Variants in NHS observed in about 807,000 individuals in gnomAD.
The protein encoded by NHS is actin remodeling regulator NHS.
A neutral mutation model predicts 72.5 loss-of-function variants in NHS; 5 were observed. The observed-to-expected ratio is 0.07, with a 90% CI of 0.04 to 0.14. The LOEUF is 0.14. NHS is among the 10% of genes least tolerant of loss of function. NHS has a pLI of 1.00. For synonymous variants in NHS, 464 were observed against 547.7 expected, an observed-to-expected ratio of 0.85 and a Z score of 2.13; for missense variants, 1,072 against 1,355.7, an observed-to-expected ratio of 0.79 and a Z score of 3.29.
At chrX:17,548,959 T>A (rs1249564661) in intron 1 of NHS, among the ~76,000 whole-genome samples, 1 of 109,251 alleles carries the variant, frequency 9.2e-6, no homozygotes, top group Admixed American at 9.8e-5. Flanking sequence ...TTGTCCCTTT[T>A]TTTTAAGAAC....
chrX:17,705,710 C>T (rs940731394), intron 3 of NHS: 5 of 112,171 alleles, frequency 4.5e-5, no homozygotes, highest in African/African-American at 1.6e-4. Context: ...AACCAAGTGA[C>T]CAAAGTTAAT....
intron 1 of NHS, among the ~76,000 whole-genome samples, chrX:17,620,615 C>T (rs770154491): frequency 1.8e-3 from 194 of 108,774 alleles, no homozygotes; most frequent in African/African-American, 5.6e-3. Flanking sequence ...AAAAAGGGAA[C>T]GGATTGATGT....
At chrX:17,537,804 G>C (rs2065235508) in intron 1 of NHS, among the ~76,000 whole-genome samples, 1 of 112,058 alleles carries the variant, frequency 8.9e-6, no homozygotes, top group Non-Finnish European at 1.9e-5. Flanking sequence ...AGATTTGAGG[G>C]CTTTTGTTTG....
chrX:17,704,551 G>A (rs1230006879), intron 3 of NHS, among the ~76,000 whole-genome samples: 1 of 111,205 alleles, frequency 9.0e-6, no homozygotes, highest in African/African-American at 3.3e-5. Flanking sequence ...ACCCGCCTCA[G>A]CCTCCCAAAA....
intron 1 of NHS, among the ~76,000 whole-genome samples, chrX:17,559,360 G>A (rs1877008928): frequency 8.9e-6 from 1 of 112,019 alleles, no homozygotes; most frequent in African/African-American, 3.2e-5. Context: ...TGTAGTACTT[G>A]ACTTCAGAGA....
rs768496518 is a variant in NHS, at chrX:17,417,879, A to G, written c.565+41557A>G. ...AAAAGACCACGGATTTTGTGTGTCA[A>G]TGTTGTACCTTTGGTTAATTTTGCT... On this transcript the variant is annotated intron_variant, in intron 1 of 8. Coordinates refer to ENST00000676302, the MANE Select transcript of NHS (RefSeq NM_001291867.2). Among the ~76,000 whole-genome samples, 9 of 112,109 alleles carry G rather than the reference A, an allele frequency of 8.0e-5. No individual in the cohort carries two copies. The South Asian group carries it at 2.6e-3, about 33-fold the overall frequency.
chrX:17,730,272 G>C (rs1264287776), intron 8 of NHS, among the ~76,000 whole-genome samples: 1 of 112,547 alleles, frequency 8.9e-6, no homozygotes, highest in Non-Finnish European at 1.9e-5. Flanking sequence ...ACCTGGATTT[G>C]AATCCCAACT....
chrX:17,646,189 G>A (rs976748672), intron 1 of NHS, among the ~76,000 whole-genome samples: 4 of 111,646 alleles, frequency 3.6e-5, no homozygotes, highest in East Asian at 2.8e-4. Context: ...TAATTCTCCT[G>A]CCTCAGCCTC....
At chrX:17,433,321 C>G (rs936461207) in intron 1 of NHS, among the ~76,000 whole-genome samples, 31 of 108,131 alleles carry the variant, frequency 2.9e-4, no homozygotes, top group African/African-American at 1.0e-3. Context: ...AGTGCTCCCC[C>G]TTTTAAATAA....
chrX:17,449,391 A>T (rs144368483), intron 1 of NHS, among the ~76,000 whole-genome samples: 274 of 112,574 alleles, frequency 2.4e-3, no homozygotes, highest in South Asian at 4.0e-3. Flanking sequence ...CTGATAGGAA[A>T]GAGAAAGGTG....
intron 1 of NHS, among the ~76,000 whole-genome samples, chrX:17,538,618 G>C (rs1028648587): frequency 1.8e-5 from 2 of 111,619 alleles, no homozygotes; most frequent in African/African-American, 6.5e-5. Flanking sequence ...AAAGCCCTCA[G>C]GGAGAGGGTC....
intron 1 of NHS, among the ~76,000 whole-genome samples, chrX:17,577,012 T>A (rs2065516311): frequency 8.9e-6 from 1 of 111,784 alleles, no homozygotes; most frequent in Non-Finnish European, 1.9e-5. Context: ...TGCCCGAGAT[T>A]GTGATTTTAG....
At chrX:17,627,401 A>T (rs1386656545) in intron 1 of NHS, among the ~76,000 whole-genome samples, 3 of 112,537 alleles carry the variant, frequency 2.7e-5, no homozygotes, top group African/African-American at 9.7e-5. Flanking sequence ...CACAGTGCAG[A>T]GTGTCAGAGG....
intron 1 of NHS, among the ~76,000 whole-genome samples, chrX:17,484,425 G>A (rs2064959175): frequency 8.9e-6 from 1 of 111,839 alleles, no homozygotes; most frequent in South Asian, 3.8e-4. Flanking sequence ...CAATTCCATT[G>A]AAAAGACAGT....
At chrX:17,450,135 A>G (rs1396022125) in intron 1 of NHS, among the ~76,000 whole-genome samples, 1 of 111,520 alleles carries the variant, frequency 9.0e-6, no homozygotes, top group Non-Finnish European at 1.9e-5. Context: ...AGGGTCTGCC[A>G]CTCTGCAAGG....
chrX:17,552,804 G>C (rs1356610851), intron 1 of NHS, among the ~76,000 whole-genome samples: 1 of 112,303 alleles, frequency 8.9e-6, no homozygotes, highest in African/African-American at 3.2e-5. Flanking sequence ...CGTCATCCAG[G>C]AGCTGTGAGA....
At chrX:17,570,615 A>G (rs1014702930) in intron 1 of NHS, among the ~76,000 whole-genome samples, 1 of 111,849 alleles carries the variant, frequency 8.9e-6, no homozygotes, top group Non-Finnish European at 1.9e-5. Flanking sequence ...TCATCTGCAA[A>G]CAGAGACAAT....
chrX:17,629,835 G>A, intron 1 of NHS, among the ~76,000 whole-genome samples: 1 of 111,157 alleles, frequency 9.0e-6, no homozygotes, highest in South Asian at 3.8e-4. Flanking sequence ...AAGGAGAAAA[G>A]GCATTCACCC....
At chrX:17,377,234 T>C (rs1569241815) in intron 1 of NHS, among the ~76,000 whole-genome samples, 2 of 112,617 alleles carry the variant, frequency 1.8e-5, no homozygotes, top group Admixed American at 1.9e-4. Context: ...GGGAGACCCC[T>C]GGGCGTCTTT....
Sources: gnomAD v4.1 joint callset for allele counts (sites outside exome capture counted in the v4.1 genomes callset) on GRCh38, gnomAD v4.1.1 for gene constraint, MANE v1.5 for transcripts, NCBI Gene and HGNC (gene_info 2026-07-23, HGNC 2026-07-21) for gene names.